The following ACSF3 variants were observed in gnomAD, a reference collection of about 807,000 sequenced individuals.
ACSF3 encodes acyl-CoA synthetase family member 3.
Under a neutral mutation model 53.2 loss-of-function variants are expected in ACSF3, and 78 were observed. The observed-to-expected ratio is 1.47, with a 90% CI of 1.22 to 1.77. ACSF3 has a LOEUF of 1.77. Among genes scored for constraint, ACSF3 ranks in the 40% most tolerant of loss-of-function variants. The probability of loss-of-function intolerance (pLI) is 0.00; values close to 1 mark genes in which losing one functional copy is unlikely to be tolerated. For synonymous variants in ACSF3, 414 were observed against 333.1 expected, an observed-to-expected ratio of 1.24 and a Z score of -2.65; for missense variants, 937 against 771.1, an observed-to-expected ratio of 1.22 and a Z score of -2.55.
chr16:89,124,744 G>C (rs1196419659), intron 7 of ACSF3, among the ~76,000 whole-genome samples: 2 of 151,720 alleles, frequency 1.3e-5, no homozygotes, highest in African/African-American at 4.8e-5. Context: ...TGTGTTACCT[G>C]TGTGCAACAC....
Position 89,124,039 on chromosome 16 carries a change from TCA to T in ACSF3, c.1239+3133_1239+3134del, listed in dbSNP as rs549170143. ...CACGCACGCAGTGTGCACACTGGTA[TCA>T]CACACATGCAGTGCATGAACGGGTA... On this transcript the variant is annotated intron_variant, in intron 7 of 10. Coordinates refer to ENST00000614302, the MANE Select transcript of ACSF3 (RefSeq NM_001243279.3). 4.7e-4 allele frequency among the ~76,000 whole-genome samples: 71 copies of T among 151,300 alleles called. No individual in the cohort carries two copies. In the East Asian group the frequency reaches 0.012, roughly 25 times the overall value.
chr16:89,145,306 G>A lies in ACSF3; in HGVS notation c.1406G>A (p.Arg469Gln), dbSNP rs144681140. The change falls in exon 9 of 11, where the codon CGA (arginine) becomes CAA (glutamine). Residue 469 changes from arginine to glutamine, a missense_variant. Transcript: ENST00000614302. ...VVFKDGQYWI[R>Q]GRTSVDIIKT... ...TTTAAGGATGGCCAGTACTGGATCC[G>A]AGGCCGGACCTCAGTGGACATCATC... The A allele has an allele frequency of 6.3e-3, 10,187 of 1,614,082 alleles. 39 individuals are homozygous for A. The highest frequency in any genetic ancestry group is 7.6e-3 in the Non-Finnish European group (9,010 of 1,179,946).
intron 4 of ACSF3, among the ~76,000 whole-genome samples, chr16:89,105,588 A>G (rs1010397129): frequency 8.6e-5 from 13 of 152,038 alleles, no homozygotes; most frequent in African/African-American, 2.2e-4. Flanking sequence ...CCAGGGTGTC[A>G]GTTTCTGTGC....
intron 6 of ACSF3, among the ~76,000 whole-genome samples, chr16:89,119,696 C>T (rs887230654): frequency 4.6e-5 from 7 of 152,178 alleles, no homozygotes; most frequent in African/African-American, 1.7e-4. Flanking sequence ...CCTGGAACCA[C>T]AGAGAACTCC....
chr16:89,120,635 G>A (rs1022795140), intron 6 of ACSF3, among the ~76,000 whole-genome samples, 166 bp from the exon 7 acceptor site: 1 of 152,208 alleles, frequency 6.6e-6, no homozygotes, highest in African/African-American at 2.4e-5. Flanking sequence ...TCACCTGCTG[G>A]TGCCTACACC....
At chr16:89,127,241 G>A (rs1241587702) in intron 7 of ACSF3, among the ~76,000 whole-genome samples, 1 of 152,090 alleles carries the variant, frequency 6.6e-6, no homozygotes, top group Admixed American at 6.5e-5. Flanking sequence ...AATGAGTTGG[G>A]AAGTGTTCTC....
chr16:89,119,975 G>A (rs562128053), intron 6 of ACSF3, among the ~76,000 whole-genome samples: 4 of 152,332 alleles, frequency 2.6e-5, no homozygotes, highest in South Asian at 2.1e-4. Flanking sequence ...CTCACGCCCC[G>A]GGATAGACAG....
chr16:89,117,952 T>A (rs76323587), intron 6 of ACSF3, among the ~76,000 whole-genome samples: 1 of 27,984 alleles, frequency 3.6e-5, no homozygotes, highest in Non-Finnish European at 9.5e-5. Context: ...GAGCCCACAG[T>A]AGGTTCCCTC....
chr16:89,145,759 C>T (rs1385768673), intron 9 of ACSF3, among the ~76,000 whole-genome samples, 179 bp from the exon 10 acceptor site: 4 of 152,212 alleles, frequency 2.6e-5, no homozygotes, highest in Non-Finnish European at 5.9e-5. Context: ...GGAGCCCGTC[C>T]TCACTCCCCT....
At chr16:89,126,913 A>G (rs1278224021) in intron 7 of ACSF3, among the ~76,000 whole-genome samples, 1 of 152,206 alleles carries the variant, frequency 6.6e-6, no homozygotes, top group Non-Finnish European at 1.5e-5. Flanking sequence ...GGCTTTTTGC[A>G]GATTCCATTC....
At position 89,098,755 on chromosome 16, in the gene ACSF3, G is replaced by A. The variant is rs148444044; in HGVS notation, c.-29G>A. 9.0e-5 allele frequency: 41 copies of A among 454,008 alleles called. No homozygotes were observed. Among genetic ancestry groups the A allele is most frequent in the Middle Eastern group, 6.8e-4 (1 of 1,466 alleles). The allele number at this position is 454,008 out of a possible 1,614,324, so 28.1% of individuals were successfully genotyped here. ...TCCCCTTACCTCCTCTCTCTGGCTC[G>A]GGAGCTGGGTGAGTTTGAACTTGGC... On this transcript the variant is annotated 5_prime_UTR_variant, in exon 2 of 11. Coordinates refer to ENST00000614302, the MANE Select transcript of ACSF3 (RefSeq NM_001243279.3).
At chr16:89,147,564 GAGGA>G (rs1913332614) in intron 10 of ACSF3, 1 of 134,012 alleles carries the variant, frequency 7.5e-6, no homozygotes, top group East Asian at 2.4e-4. Flanking sequence ...GAGGGGGTGG[GAGGA>G]GCCACAGAGC....
At chr16:89,103,345 T>C (rs1211255901) in intron 4 of ACSF3, among the ~76,000 whole-genome samples, 1 of 152,244 alleles carries the variant, frequency 6.6e-6, no homozygotes, top group African/African-American at 2.4e-5. Context: ...GCGGAGCTGA[T>C]GCTGGGTGTG....
intron 7 of ACSF3, among the ~76,000 whole-genome samples, chr16:89,126,252 C>T (rs1212936382): frequency 6.6e-6 from 1 of 152,088 alleles, no homozygotes; most frequent in Non-Finnish European, 1.5e-5. Context: ...GTAAGTATGG[C>T]AGGTGGGTAT....
At chr16:89,127,501 A>G (rs552797380) in intron 7 of ACSF3, among the ~76,000 whole-genome samples, 1 of 152,252 alleles carries the variant, frequency 6.6e-6, no homozygotes, top group East Asian at 1.9e-4. Flanking sequence ...AGCTGGGACC[A>G]CAGGCATGTG....
chr16:89,103,652 G>A (rs1975636149), intron 4 of ACSF3, among the ~76,000 whole-genome samples: 1 of 152,226 alleles, frequency 6.6e-6, no homozygotes, highest in Non-Finnish European at 1.5e-5. Flanking sequence ...GAGCTATGAT[G>A]TGGCCACTGT....
Position 89,100,832 on chromosome 16 carries a change from CTGGCCTT to C in ACSF3, c.155_161del (p.Ala52GlyfsTer64), listed in dbSNP as rs745684193. 4 of 1,613,476 alleles carry C rather than the reference CTGGCCTT, an allele frequency of 2.5e-6. No individual in the cohort carries two copies. The highest frequency in any genetic ancestry group is 3.3e-5 in the Admixed American group (2 of 60,034). On this transcript the variant is annotated frameshift_variant, in exon 3 of 11. Coordinates refer to ENST00000614302, the MANE Select transcript of ACSF3 (RefSeq NM_001243279.3). LOFTEE classifies it high-confidence loss of function. ...GAGCGCCCCGGTGTTCACCCGTGCCCTGGCCTTTGGGGACAGAATCGCCCTGGTTGAC... is the reference window on the plus strand; with the variant it reads ...GAGCGCCCCGGTGTTCACCCGTGCCCTGGGGACAGAATCGCCCTGGTTGAC...
chr16:89,135,255 C>T (rs1221402527), intron 8 of ACSF3, among the ~76,000 whole-genome samples: 4 of 152,254 alleles, frequency 2.6e-5, no homozygotes, highest in South Asian at 2.1e-4. Context: ...GGGGCTGCAG[C>T]GTGCAGGCGG....
At chr16:89,124,974 G>T (rs1014670327) in intron 7 of ACSF3, among the ~76,000 whole-genome samples, 1 of 152,182 alleles carries the variant, frequency 6.6e-6, no homozygotes, top group Non-Finnish European at 1.5e-5. Context: ...TTTATAGTAG[G>T]TCTTAACAAT....
Sources: gnomAD v4.1 joint callset for allele counts (sites outside exome capture counted in the v4.1 genomes callset) on GRCh38, gnomAD v4.1.1 for gene constraint, MANE v1.5 for transcripts, NCBI Gene and HGNC (gene_info 2026-07-23, HGNC 2026-07-21) for gene names.